The following FOLH1 variants were observed in gnomAD, a reference collection of about 807,000 sequenced individuals.
FOLH1 encodes the protein glutamate carboxypeptidase 2.
A neutral mutation model predicts 93.9 loss-of-function variants in FOLH1; 54 were observed. The ratio of observed to expected loss-of-function variants is 0.57; its 90% confidence interval spans 0.46 to 0.72. The LOEUF (loss-of-function observed/expected upper bound fraction) is 0.72. Among genes scored for constraint, FOLH1 ranks in the 30% least tolerant of loss-of-function variants. FOLH1 has a pLI of 0.00. For synonymous variants in FOLH1, 249 were observed against 303.6 expected, an observed-to-expected ratio of 0.82 and a Z score of 1.87; for missense variants, 571 against 892.5, an observed-to-expected ratio of 0.64 and a Z score of 4.59.
chr11:49,174,636 T>C (rs1859775337), intron 9 of FOLH1, among the ~76,000 whole-genome samples: 2 of 152,170 alleles, frequency 1.3e-5, no homozygotes, highest in African/African-American at 4.8e-5. Flanking sequence ...ATCCTTTAAT[T>C]GAGGCCTGCA....
chr11:49,206,808 C>T (rs2135357290), intron 1 of FOLH1: 1 of 1,535,372 alleles, frequency 6.5e-7, no homozygotes, highest in East Asian at 2.4e-5. Flanking sequence ...CCAGTGCACG[C>T]ATAGGCGGCC....
intron 13 of FOLH1, among the ~76,000 whole-genome samples, chr11:49,158,759 A>C (rs1259111047): frequency 6.6e-6 from 1 of 152,162 alleles, no homozygotes. Context: ...CTTCCTATCC[A>C]TGAGCATGGA....
chr11:49,157,038 G>C (rs940400749), intron 14 of FOLH1, among the ~76,000 whole-genome samples: 2 of 152,000 alleles, frequency 1.3e-5, no homozygotes, highest in Admixed American at 6.6e-5. Flanking sequence ...TTTGTTAAAG[G>C]TTTCTGAAGT....
At chr11:49,205,962 A>T (rs1863876656) in intron 2 of FOLH1, 105 bp downstream of exon 2, 2 of 1,166,332 alleles carry the variant, frequency 1.7e-6, no homozygotes, top group East Asian at 2.6e-5. Flanking sequence ...AATAAATAAA[A>T]TTTTAAGAAA....
At chr11:49,192,585 A>C (rs1178530527) in intron 4 of FOLH1, among the ~76,000 whole-genome samples, 1 of 152,214 alleles carries the variant, frequency 6.6e-6, no homozygotes, top group Admixed American at 6.5e-5. Flanking sequence ...TGTGCATCTC[A>C]TTGCAGTAAG....
At chr11:49,166,057 A>C (rs1858365889) in intron 12 of FOLH1, among the ~76,000 whole-genome samples, 1 of 152,228 alleles carries the variant, frequency 6.6e-6, no homozygotes, top group South Asian at 2.1e-4. Flanking sequence ...AACTGAAGCA[A>C]GCTGTCCAGC....
intron 3 of FOLH1, among the ~76,000 whole-genome samples, chr11:49,194,161 A>G (rs1862382376): frequency 2.0e-5 from 3 of 151,846 alleles, no homozygotes; most frequent in Middle Eastern, 6.8e-3. Context: ...AAAAAGAACA[A>G]CAATATCCTT....
At chr11:49,171,866 T>C (rs1243191769) in intron 10 of FOLH1, among the ~76,000 whole-genome samples, 1 of 152,042 alleles carries the variant, frequency 6.6e-6, no homozygotes, top group Non-Finnish European at 1.5e-5. Context: ...CAAGATCTTG[T>C]TTCAAACCCT....
At chr11:49,205,037 C>G (rs1337507987) in intron 2 of FOLH1, among the ~76,000 whole-genome samples, 4 of 151,928 alleles carry the variant, frequency 2.6e-5, no homozygotes, top group Non-Finnish European at 4.4e-5. Context: ...ATGGAGAAAC[C>G]CTGTCTCTAT....
At chr11:49,178,485 C>T (rs1326754250) in intron 7 of FOLH1, among the ~76,000 whole-genome samples, 2 of 151,968 alleles carry the variant, frequency 1.3e-5, no homozygotes, top group Non-Finnish European at 2.9e-5. Context: ...GTAGTGTCCC[C>T]ACAAGGAGGT....
chr11:49,146,605 A>AAC lies in FOLH1; in HGVS notation c.*149_*150dup. 3.3e-6 allele frequency: 2 copies of AAC among 597,808 alleles called. No individual in the cohort carries two copies. Among genetic ancestry groups the AAC allele is most frequent in the Non-Finnish European group, 5.4e-6 (2 of 371,054 alleles). The allele number at this position is 597,808 out of a possible 1,614,324, so 37.0% of individuals were successfully genotyped here. ...CCATAGGGAGAAGATAAACAATATA[A>AAC]ACACACACATATATAAACACTCACA... On this transcript the variant is annotated 3_prime_UTR_variant, in exon 19 of 19. Coordinates refer to ENST00000256999, the MANE Select transcript of FOLH1 (RefSeq NM_004476.3).
At chr11:49,147,086 C>T (rs936260041) in intron 18 of FOLH1, 141 bp from the exon 19 acceptor site, 1 of 575,026 alleles carries the variant, frequency 1.7e-6, no homozygotes, top group Non-Finnish European at 3.0e-6. Flanking sequence ...CAAGTTCAAT[C>T]ATCTCTGAAG....
At chr11:49,197,439 A>T (rs954786089) in intron 3 of FOLH1, among the ~76,000 whole-genome samples, 1 of 152,202 alleles carries the variant, frequency 6.6e-6, no homozygotes, top group African/African-American at 2.4e-5. Context: ...AACTAAAACA[A>T]TATTAGTTTA....
chr11:49,156,253 A>G (rs183984575), intron 15 of FOLH1, among the ~76,000 whole-genome samples: 141 of 152,134 alleles, frequency 9.3e-4, no homozygotes, highest in Non-Finnish European at 2.8e-4. Flanking sequence ...ACTAATATAT[A>G]TATCATTTTT....
intron 13 of FOLH1, among the ~76,000 whole-genome samples, chr11:49,161,987 A>G (rs1251406061): frequency 6.6e-6 from 1 of 152,176 alleles, no homozygotes; most frequent in African/African-American, 2.4e-5. Context: ...TTCAGCTGAG[A>G]GGTCCACTGT....
chr11:49,164,614 G>A, intron 13 of FOLH1, 91 bp downstream of exon 13: 4 of 840,594 alleles, frequency 4.8e-6, no homozygotes, highest in South Asian at 1.6e-5. Flanking sequence ...AAGACAAGAA[G>A]TTATAAAACA....
In FOLH1 at chr11:49,156,742, C is replaced by T; in HGVS notation, c.1598G>A (p.Gly533Asp). The change falls in exon 15 of 19, where the codon GGC (glycine) becomes GAC (aspartate). Residue 533 changes from glycine to aspartate, a missense_variant. By Grantham distance (94) the Gly-to-Asp change is moderately conservative (BLOSUM62 -1). Around this residue, in one of 2 missense-constraint regions of FOLH1, gnomAD observed 500 missense variants for 822.9 expected, o/e 0.61. Transcript: ENST00000256999. ...VFFQRLGIAS[G>D]RARYTKNWET... ...CCAATTTTTAGTATACCGTGCTCTG[C>T]CTGAAGCAATTCCAAGTCGTTGGAA... is the stretch of plus-strand genomic sequence containing the variant. 1.2e-6 allele frequency: 2 copies of T among 1,612,736 alleles called. No individual in the cohort carries two copies. The highest frequency in any genetic ancestry group is 1.7e-6 in the Non-Finnish European group (2 of 1,179,110).
intron 12 of FOLH1, among the ~76,000 whole-genome samples, chr11:49,168,658 A>G (rs1268520205): frequency 3.9e-5 from 6 of 152,194 alleles, no homozygotes; most frequent in Non-Finnish European, 8.8e-5. Context: ...TGTAATAGCT[A>G]TGGGGTTTCA....
chr11:49,206,495 C>T (rs1377919773), intron 1 of FOLH1, among the ~76,000 whole-genome samples: 1 of 152,112 alleles, frequency 6.6e-6, no homozygotes, highest in Non-Finnish European at 1.5e-5. Flanking sequence ...TGGGTGTAAA[C>T]GAGATGTTCT....
Sources: allele counts gnomAD v4.1 joint callset (sites outside exome capture counted in the v4.1 genomes callset), GRCh38; gene constraint gnomAD v4.1.1; regional missense constraint gnomAD v4.1.1; transcripts MANE v1.5; gene names NCBI Gene and HGNC (gene_info 2026-07-23, HGNC 2026-07-21).